The following GMDS variants were observed in gnomAD, a reference collection of about 807,000 sequenced individuals.
GMDS encodes GDP-mannose 4,6-dehydratase.
GMDS carries 20 observed loss-of-function variants against 49.9 expected under a neutral mutation model. The observed-to-expected ratio is 0.40, with a 90% CI of 0.28 to 0.58. The LOEUF (loss-of-function observed/expected upper bound fraction) is 0.58. GMDS is among the 20% of genes least tolerant of loss of function. GMDS has a pLI of 0.42. For missense variants in GMDS, 362 were observed against 481.4 expected (o/e 0.75, Z 2.32); for synonymous variants, 177 against 178.6 (o/e 0.99, Z 0.07).
At chr6:2,093,015 C>T (rs1308446687) in intron 4 of GMDS, among the ~76,000 whole-genome samples, 3 of 152,106 alleles carry the variant, frequency 2.0e-5, no homozygotes, top group Non-Finnish European at 4.4e-5. Context: ...ATTCATTATC[C>T]TCTTTTTCTG....
At chr6:1,719,679 A>C (rs1240312310) in intron 9 of GMDS, among the ~76,000 whole-genome samples, 1 of 151,986 alleles carries the variant, frequency 6.6e-6, no homozygotes, top group African/African-American at 2.4e-5. Flanking sequence ...GTCATCGGCC[A>C]AAGATGAAAA....
chr6:2,238,165 T>C (rs955549044), intron 1 of GMDS, among the ~76,000 whole-genome samples: 4 of 151,470 alleles, frequency 2.6e-5, no homozygotes, highest in South Asian at 2.1e-4. Context: ...GACCAGAGGA[T>C]TGCTTGAGGC....
chr6:1,999,320 C>CAA (rs61018439), intron 4 of GMDS, among the ~76,000 whole-genome samples: 1 of 86,782 alleles, frequency 1.2e-5, no homozygotes, highest in African/African-American at 5.1e-5. Flanking sequence ...GACTCTGTCT[C>CAA]AAAAAAAAAA....
intron 7 of GMDS, among the ~76,000 whole-genome samples, chr6:1,819,346 T>C (rs1366321134): frequency 1.3e-5 from 2 of 152,246 alleles, no homozygotes; most frequent in Non-Finnish European, 2.9e-5. Flanking sequence ...TAAACTCAAA[T>C]GTTTTTATTC....
At chr6:1,757,387 C>G (rs549628525) in intron 7 of GMDS, among the ~76,000 whole-genome samples, 1 of 152,154 alleles carries the variant, frequency 6.6e-6, no homozygotes, top group Non-Finnish European at 1.5e-5. Flanking sequence ...TTCTGTCGCT[C>G]GGATACCTGG....
Position 1,681,061 on chromosome 6 carries a change from G to A in GMDS, c.987+45355C>T, listed in dbSNP as rs140750752. ...ACATACATCGAATATACATACACAT[G>A]CTCACACATACACACACAAGTGCAC... is the stretch of plus-strand genomic sequence containing the variant. On this transcript the variant is annotated intron_variant, in intron 9 of 10. Transcript: ENST00000380815. Among the ~76,000 whole-genome samples the A allele has an allele frequency of 2.9e-4, 44 of 151,996 alleles. No homozygotes were observed. The East Asian group carries it at 7.2e-3, about 25-fold the overall frequency.
At chr6:1,687,111 G>A (rs946234109) in intron 9 of GMDS, among the ~76,000 whole-genome samples, 10 of 152,190 alleles carry the variant, frequency 6.6e-5, no homozygotes, top group African/African-American at 1.9e-4. Context: ...GACAAGAGGC[G>A]CCACCCCGTT....
At chr6:1,770,489 C>T (rs181024504) in intron 7 of GMDS, among the ~76,000 whole-genome samples, 127 of 152,340 alleles carry the variant, frequency 8.3e-4, no homozygotes, top group Admixed American at 1.7e-3. Context: ...ACCATCAACG[C>T]GGCTGCTGCA....
At chr6:1,656,580 G>C (rs1015936502) in intron 9 of GMDS, among the ~76,000 whole-genome samples, 1 of 152,160 alleles carries the variant, frequency 6.6e-6, no homozygotes, top group African/African-American at 2.4e-5. Context: ...TGACCAACAT[G>C]GTGAAACCCC....
intron 1 of GMDS, among the ~76,000 whole-genome samples, chr6:2,164,511 G>C (rs1427882743): frequency 6.6e-6 from 1 of 152,180 alleles, no homozygotes; most frequent in Admixed American, 6.5e-5. Flanking sequence ...AACAGGGGTG[G>C]AGAGGCTACT....
chr6:1,774,310 G>A (rs139987271), intron 7 of GMDS, among the ~76,000 whole-genome samples: 16 of 152,314 alleles, frequency 1.1e-4, no homozygotes, highest in East Asian at 9.6e-4. Flanking sequence ...AACCACCCCC[G>A]CTGCGGAAAT....
intron 1 of GMDS, among the ~76,000 whole-genome samples, chr6:2,215,545 T>G (rs1581808437): frequency 1.3e-5 from 2 of 151,604 alleles, no homozygotes; most frequent in Admixed American, 1.3e-4. Context: ...GTGGGAGTAA[T>G]GGAGCTATAA....
intron 4 of GMDS, among the ~76,000 whole-genome samples, chr6:1,996,968 G>A (rs750135950): frequency 1.1e-4 from 16 of 151,656 alleles, no homozygotes; most frequent in Non-Finnish European, 8.8e-5. Context: ...AAGCACCATC[G>A]AATTTTCCAA....
intron 8 of GMDS, among the ~76,000 whole-genome samples, chr6:1,732,563 G>C (rs956793001): frequency 3.9e-5 from 6 of 152,168 alleles, no homozygotes; most frequent in Admixed American, 3.3e-4. Flanking sequence ...AATCAGTAAC[G>C]ACATGTTATT....
rs9501812 is a variant in GMDS at position 2,151,103 on chromosome 6, T to C, written c.103-26372A>G. Among the ~76,000 whole-genome samples, 512 of 152,226 alleles carry C rather than the reference T, an allele frequency of 3.4e-3. 3 individuals are homozygous for C. The highest frequency in any genetic ancestry group is 0.012 in the African/African-American group (481 of 41,562). ...AATAGTTAGAAAGAATAAGACCTAGTATTTGCTAGCACAACAGGGAGACAA... is the reference window on the plus strand; with the variant it reads ...AATAGTTAGAAAGAATAAGACCTAGCATTTGCTAGCACAACAGGGAGACAA... On this transcript the variant is annotated intron_variant, in intron 1 of 10. Coordinates refer to ENST00000380815, the MANE Select transcript of GMDS (RefSeq NM_001500.4).
rs527925198 is a variant in GMDS at position 1,766,551 on chromosome 6, CT to C, written c.772-23966del. On this transcript the variant is annotated intron_variant, in intron 7 of 10. Transcript: ENST00000380815. This position sits in a 1 kb window ranked among gnomAD's most constrained non-coding sequence, Gnocchi z 4.5. The stretch of plus-strand genomic sequence containing the variant: ...GCTTACTTTGAAAAGTGATTTCTCT[CT>C]TGTGTATGGCTCGGGAGGAGGGTCT... 1.2e-4 allele frequency among the ~76,000 whole-genome samples: 18 copies of C among 152,168 alleles called. No individual in the cohort carries two copies. Among genetic ancestry groups the C allele is most frequent in the Non-Finnish European group, 2.6e-4 (18 of 68,028 alleles).
intron 2 of GMDS, among the ~76,000 whole-genome samples, chr6:2,118,084 G>A (rs1456949235): frequency 6.6e-6 from 1 of 152,100 alleles, no homozygotes; most frequent in African/African-American, 2.4e-5. Flanking sequence ...GAAAGCTAAA[G>A]AGCATGGGTA....
chr6:1,782,387 G>C (rs756888367), intron 7 of GMDS, among the ~76,000 whole-genome samples: 1 of 152,156 alleles, frequency 6.6e-6, no homozygotes, highest in Non-Finnish European at 1.5e-5. Context: ...TCTTGAGTAA[G>C]GACAAATAGA....
At chr6:1,740,205 A>T (rs895036298) in intron 8 of GMDS, among the ~76,000 whole-genome samples, 8 of 151,114 alleles carry the variant, frequency 5.3e-5, no homozygotes, top group Non-Finnish European at 8.8e-5. Flanking sequence ...GAGAGTTATT[A>T]AAAAAAGTAA....
Sources: allele counts gnomAD v4.1 joint callset (sites outside exome capture counted in the v4.1 genomes callset), GRCh38; gene constraint gnomAD v4.1.1; non-coding constraint Gnocchi (gnomAD v3.1); transcripts MANE v1.5; gene names NCBI Gene and HGNC (gene_info 2026-07-23, HGNC 2026-07-21).